Variants in SLC15A5 observed in about 807,000 individuals in gnomAD.
SLC15A5 encodes the protein Peptide/histidine transporter ENSP00000340402.
SLC15A5 carries 58 observed loss-of-function variants against 56.1 expected under a neutral mutation model. The ratio of observed to expected loss-of-function variants is 1.03; its 90% CI spans 0.84 to 1.29. SLC15A5 has a LOEUF of 1.29. SLC15A5 is among the 50% of genes most tolerant of loss of function. The pLI is 0.00. For missense variants in SLC15A5, 681 were observed against 672.1 expected (o/e 1.01, Z -0.15); for synonymous variants, 264 against 250.5 (o/e 1.05, Z -0.51).
intron 4 of SLC15A5, among the ~76,000 whole-genome samples, chr12:16,242,116 A>T (rs987141902): frequency 1.3e-5 from 2 of 152,210 alleles, no homozygotes; most frequent in African/African-American, 4.8e-5. Flanking sequence ...TTTTAGATGT[A>T]TGTCTTGCAA....
intron 3 of SLC15A5, among the ~76,000 whole-genome samples, chr12:16,248,557 A>T (rs1864486079): frequency 1.3e-5 from 2 of 152,088 alleles, no homozygotes; most frequent in African/African-American, 2.4e-5. Context: ...CAAGAAAAGG[A>T]ACTATACAAT....
At chr12:16,201,904 A>G (rs554773253) in intron 7 of SLC15A5, among the ~76,000 whole-genome samples, 1 of 152,286 alleles carries the variant, frequency 6.6e-6, no homozygotes, top group South Asian at 2.1e-4. Context: ...AAAACTGTAT[A>G]TCTACATGCA....
At chr12:16,199,837 A>T (rs1356856067) in intron 7 of SLC15A5, among the ~76,000 whole-genome samples, 1 of 152,124 alleles carries the variant, frequency 6.6e-6, no homozygotes, top group African/African-American at 2.4e-5. Flanking sequence ...AAAATAAAAC[A>T]TTATAGGTGA....
Position 16,243,477 on chromosome 12 carries a change from GGGA to G in SLC15A5, c.975+1100_975+1102del, listed in dbSNP as rs1864432175. Among the ~76,000 whole-genome samples, 1 of 152,058 alleles carries G rather than the reference GGGA, an allele frequency of 6.6e-6. No homozygotes were observed. Among genetic ancestry groups the G allele is most frequent in the Non-Finnish European group, 1.5e-5 (1 of 68,010 alleles). ...GCCTGCCTCGGCCTCCCAAAGTGCT[GGGA>G]TTACAGGTGTAAGCCACCACGCTGG... On this transcript the variant is annotated intron_variant, in intron 4 of 8. Coordinates refer to ENST00000344941, the MANE Select transcript of SLC15A5 (RefSeq NM_001170798.1). This position sits in a 1 kb window ranked among gnomAD's most constrained non-coding sequence, Gnocchi z 4.4.
chr12:16,277,088 A>G (rs2136832161), intron 1 of SLC15A5, among the ~76,000 whole-genome samples: 1 of 146,434 alleles, frequency 6.8e-6, no homozygotes, highest in South Asian at 2.1e-4. Context: ...AGTAATTATT[A>G]TAAAATATAA....
At position 16,272,708 on chromosome 12, in the gene SLC15A5, A is replaced by G; in HGVS notation, c.437T>C (p.Ile146Thr). The G allele has an allele frequency of 6.5e-7, 1 of 1,537,276 alleles. No homozygotes were observed. The highest frequency in any genetic ancestry group is 8.7e-7 in the Non-Finnish European group (1 of 1,146,772). Residue 146 changes from isoleucine to threonine, a missense_variant, in exon 2 of 9, where the codon ATA becomes ACA. By Grantham distance (89) the Ile-to-Thr change is moderately conservative (BLOSUM62 -1). Transcript: ENST00000344941. ...CAGCCTGTGCTGCTCTGTTTTTGGT[A>G]TGTTGTTAACTGCATGGTAAGTGCC... ...YLGTYHAVNN[I>T]PKTEQHRLFY...
At chr12:16,256,858 CAAAAAAAA>C (rs370679232) in intron 3 of SLC15A5, among the ~76,000 whole-genome samples, 21 of 132,504 alleles carry the variant, frequency 1.6e-4, no homozygotes, top group East Asian at 4.2e-4. Context: ...GGCTCCGTCT[CAAAAAAAA>C]AAAATAATAA....
intron 7 of SLC15A5, among the ~76,000 whole-genome samples, chr12:16,195,263 G>T (rs78267953): frequency 6.6e-6 from 1 of 151,786 alleles, no homozygotes; most frequent in South Asian, 2.1e-4. Flanking sequence ...CTCTATCCAC[G>T]TACATACTTT....
At chr12:16,210,937 G>A (rs1864073909) in intron 7 of SLC15A5, among the ~76,000 whole-genome samples, 2 of 152,170 alleles carry the variant, frequency 1.3e-5, no homozygotes. Context: ...TATGAGGGGG[G>A]CTTTGCATCT....
Position 16,272,700 on chromosome 12 carries a change from T to C in SLC15A5, c.445A>G (p.Thr149Ala). The part of the protein sequence containing the change: ...TYHAVNNIPK[T>A]EQHRLFYVAL... ...ACATAAAACAGCCTGTGCTGCTCTG[T>C]TTTTGGTATGTTGTTAACTGCATGG... The change falls in exon 2 of 9, where the codon ACA (threonine) becomes GCA (alanine). Residue 149 changes from threonine to alanine, a missense_variant. By Grantham distance (58) the Thr-to-Ala change is moderately conservative. Transcript: ENST00000344941. The C allele has an allele frequency of 2.0e-6, 3 of 1,537,184 alleles. No homozygotes were observed. The highest frequency in any genetic ancestry group is 1.7e-6 in the Non-Finnish European group (2 of 1,146,758).
chr12:16,210,574 C>G (rs531512471), intron 7 of SLC15A5, among the ~76,000 whole-genome samples: 10 of 152,290 alleles, frequency 6.6e-5, no homozygotes, highest in Non-Finnish European at 1.5e-4. Flanking sequence ...TCTATTTCTT[C>G]TAGTCCTCAT....
At chr12:16,190,488 TAAAC>T (rs937548494) in intron 8 of SLC15A5, among the ~76,000 whole-genome samples, 2 of 152,220 alleles carry the variant, frequency 1.3e-5, no homozygotes, top group African/African-American at 4.8e-5. Context: ...ATTACTTTCT[TAAAC>T]ACTTTCGGGT....
intron 2 of SLC15A5, among the ~76,000 whole-genome samples, chr12:16,262,438 T>C (rs535403292): frequency 6.6e-6 from 1 of 152,210 alleles, no homozygotes; most frequent in Non-Finnish European, 1.5e-5. Flanking sequence ...AATCACATGG[T>C]CTGTGATCTT....
chr12:16,211,981 C>A (rs958440465), intron 7 of SLC15A5, among the ~76,000 whole-genome samples: 19 of 152,310 alleles, frequency 1.2e-4, no homozygotes, highest in Admixed American at 7.2e-4. Context: ...ATCTTCTTTT[C>A]CAATCGGGTA....
At position 16,196,878 on chromosome 12, in the gene SLC15A5, T is replaced by G. The variant is rs1863899604; in HGVS notation, c.1484-2425A>C. On this transcript the variant is annotated intron_variant, in intron 7 of 8. Coordinates refer to ENST00000344941, the MANE Select transcript of SLC15A5 (RefSeq NM_001170798.1). The surrounding 1 kb of genome is among the most constrained non-coding windows in gnomAD (Gnocchi z 4.0). ...GTTTCATTATGGCAAATACCAGCCTTTTGGGAGATACTACTAGATCCCCCT... is the reference window on the plus strand; with the variant it reads ...GTTTCATTATGGCAAATACCAGCCTGTTGGGAGATACTACTAGATCCCCCT... Among the ~76,000 whole-genome samples, 1 of 152,046 alleles carries G rather than the reference T, an allele frequency of 6.6e-6. No individual in the cohort carries two copies.
At chr12:16,224,771 A>G (rs1354280835) in intron 5 of SLC15A5, among the ~76,000 whole-genome samples, 169 bp from the exon 6 acceptor site, 2 of 151,746 alleles carry the variant, frequency 1.3e-5, no homozygotes, top group Non-Finnish European at 2.9e-5. Flanking sequence ...GTACATGTGT[A>G]CAATGTGCAG....
chr12:16,249,912 C>A (rs573441074), intron 3 of SLC15A5, among the ~76,000 whole-genome samples: 10 of 151,996 alleles, frequency 6.6e-5, no homozygotes, highest in Admixed American at 6.6e-4. Flanking sequence ...ACATTTTCTT[C>A]TTTTTTTGCT....
chr12:16,275,391 A>G (rs555821319), intron 1 of SLC15A5, among the ~76,000 whole-genome samples: 9 of 152,182 alleles, frequency 5.9e-5, no homozygotes, highest in Non-Finnish European at 1.2e-4. Context: ...AGGTTGTTGT[A>G]TGCTAAATTA....
chr12:16,198,388 G>A (rs563742076), intron 7 of SLC15A5, among the ~76,000 whole-genome samples: 23 of 152,160 alleles, frequency 1.5e-4, no homozygotes, highest in African/African-American at 4.8e-4. Flanking sequence ...CTATTTATCC[G>A]AAATTATCAC....
Sources: gnomAD v4.1 joint callset for allele counts (sites outside exome capture counted in the v4.1 genomes callset) on GRCh38, gnomAD v4.1.1 for gene constraint, Gnocchi (gnomAD v3.1) non-coding constraint, MANE v1.5 for transcripts, NCBI Gene and HGNC (gene_info 2026-07-23, HGNC 2026-07-21) for gene names.